Variants in PTBP3 observed in about 807,000 individuals in gnomAD.
PTBP3 encodes the protein polypyrimidine tract binding protein 3, also known as polypyrimidine tract-binding protein 3.
In PTBP3, 20 loss-of-function variants were observed where a neutral mutation model predicts 58.7. The ratio of observed to expected loss-of-function variants is 0.34; its 90% CI spans 0.24 to 0.50. The LOEUF (loss-of-function observed/expected upper bound fraction) is 0.50. PTBP3 is among the 20% of genes least tolerant of loss of function. PTBP3 has a pLI of 0.98. For synonymous variants in PTBP3, 185 were observed against 219.8 expected, an observed-to-expected ratio of 0.84 and a Z score of 1.40; for missense variants, 509 against 637.2, an observed-to-expected ratio of 0.80 and a Z score of 2.17.
the PTBP3 span, among the ~76,000 whole-genome samples, chr9:112,345,373 A>G: frequency 1.3e-5 from 1 of 76,154 alleles, no homozygotes; most frequent in East Asian, 3.2e-4. Flanking sequence ...AAAAAAAAGG[A>G]AAAAAAATTT....
chr9:112,368,200 T>A, the PTBP3 span, among the ~76,000 whole-genome samples: 3 of 152,130 alleles, frequency 2.0e-5, no homozygotes, highest in Non-Finnish European at 2.9e-5. Flanking sequence ...AGACAGAGCG[T>A]CATTCTGTTG....
chr9:112,241,397 C>T (rs1234641802), intron 7 of PTBP3, among the ~76,000 whole-genome samples: 2 of 152,188 alleles, frequency 1.3e-5, no homozygotes, highest in African/African-American at 4.8e-5. Context: ...GCCACCATGC[C>T]TGGGCAAGCT....
intron 2 of PTBP3, among the ~76,000 whole-genome samples, chr9:112,295,420 A>G (rs988249244): frequency 4.7e-4 from 2 of 4,268 alleles, no homozygotes; most frequent in Admixed American, 6.5e-3. Context: ...AGATTGGAGG[A>G]AAAAAAAAAA....
intron 5 of PTBP3, among the ~76,000 whole-genome samples, chr9:112,256,684 T>A (rs933228212): frequency 6.6e-6 from 1 of 151,942 alleles, no homozygotes. Flanking sequence ...CCACCATGCA[T>A]GGCTAATTTT....
At chr9:112,282,821 T>G (rs1437291917) in intron 2 of PTBP3, among the ~76,000 whole-genome samples, 3 of 152,190 alleles carry the variant, frequency 2.0e-5, no homozygotes, top group Non-Finnish European at 4.4e-5. Context: ...GGTTTGGCTG[T>G]GTCCCCACCC....
At chr9:112,285,568 A>T (rs1828074308) in intron 2 of PTBP3, among the ~76,000 whole-genome samples, 1 of 152,186 alleles carries the variant, frequency 6.6e-6, no homozygotes, top group African/African-American at 2.4e-5. Flanking sequence ...GGGGCACAAA[A>T]ATATTTCAGA....
rs1469152143 is a variant in PTBP3, at chr9:112,220,633, C to T, written c.*3218G>A. On this transcript the variant is annotated 3_prime_UTR_variant, in exon 14 of 14. Coordinates refer to ENST00000374257, the MANE Select transcript of PTBP3 (RefSeq NM_001163788.4). ...AAGAATTTATGGCATTCTGTAAGAG[C>T]TGCTGGGTAATTCTGATACTCTCCA... is the stretch of plus-strand genomic sequence containing the variant. 2 of 993,264 alleles carry T rather than the reference C, an allele frequency of 2.0e-6. No individual in the cohort carries two copies. Among genetic ancestry groups the T allele is most frequent in the Non-Finnish European group, 2.4e-6 (2 of 834,486 alleles). The allele number at this position is 993,264 out of a possible 1,614,324, so 61.5% of individuals were successfully genotyped here.
intron 2 of PTBP3, among the ~76,000 whole-genome samples, chr9:112,287,341 G>GTTTTTTTT (rs59039980): frequency 7.9e-6 from 1 of 127,184 alleles, no homozygotes; most frequent in African/African-American, 2.9e-5. Context: ...TCAGTTTTTT[G>GTTTTTTTT]TTTTTTTTTT....
the PTBP3 span, among the ~76,000 whole-genome samples, chr9:112,360,285 G>C: frequency 6.6e-6 from 1 of 152,086 alleles, no homozygotes; most frequent in Non-Finnish European, 1.5e-5. Context: ...CTGGGCTCAA[G>C]CAGTGCTCCC....
intron 7 of PTBP3, among the ~76,000 whole-genome samples, chr9:112,249,275 T>C (rs902062437): frequency 6.6e-6 from 1 of 152,180 alleles, no homozygotes; most frequent in African/African-American, 2.4e-5. Context: ...ATTTTATTTC[T>C]TAACCTGGGT....
chr9:112,364,326 A>G, the PTBP3 span, among the ~76,000 whole-genome samples: 2 of 152,124 alleles, frequency 1.3e-5, no homozygotes, highest in Non-Finnish European at 2.9e-5. Flanking sequence ...AAGAAAAGCA[A>G]AAGAGCATAC....
intron 12 of PTBP3, among the ~76,000 whole-genome samples, chr9:112,225,343 A>G (rs1198607447): frequency 1.3e-5 from 2 of 151,834 alleles, no homozygotes; most frequent in African/African-American, 2.4e-5. Flanking sequence ...CCTTACTTCA[A>G]AGGTTATTAT....
intron 2 of PTBP3, among the ~76,000 whole-genome samples, chr9:112,278,018 C>G (rs1396084796): frequency 6.6e-6 from 1 of 151,642 alleles, no homozygotes; most frequent in Non-Finnish European, 1.5e-5. Flanking sequence ...AAAACCTAAA[C>G]AGGCACCAAA....
intron 9 of PTBP3, 132 bp downstream of exon 9, chr9:112,231,950 AAGAGAAGAGAAGAGAAG>A (rs1362769665): frequency 4.7e-6 from 2 of 424,612 alleles, no homozygotes; most frequent in African/African-American, 4.0e-5. Context: ...AAGAGAAGAG[AAGAGAAGAGAAGAGAAG>A]AGAGAAGAGA....
intron 8 of PTBP3, among the ~76,000 whole-genome samples, chr9:112,233,311 GTGTGTA>G (rs1835318802): frequency 8.6e-6 from 1 of 116,514 alleles, no homozygotes; most frequent in Non-Finnish European, 1.8e-5. Flanking sequence ...GTGTGTGTGT[GTGTGTA>G]TCTTCTATCA....
At chr9:112,261,806 T>C (rs1375817758) in intron 5 of PTBP3, among the ~76,000 whole-genome samples, 7 of 152,230 alleles carry the variant, frequency 4.6e-5, no homozygotes, top group Non-Finnish European at 7.3e-5. Context: ...TCAATTCTAA[T>C]TGGCTCTTCA....
At chr9:112,259,061 C>T (rs1836487589) in intron 5 of PTBP3, among the ~76,000 whole-genome samples, 1 of 152,164 alleles carries the variant, frequency 6.6e-6, no homozygotes, top group Non-Finnish European at 1.5e-5. Context: ...AAGCTATCCT[C>T]CCACCTTAGC....
intron 2 of PTBP3, chr9:112,281,465 CCT>C (rs966340707): frequency 7.9e-5 from 12 of 152,142 alleles, no homozygotes; most frequent in African/African-American, 2.2e-4. Context: ...AGCAAAAACC[CCT>C]GATTTTAATT....
At chr9:112,261,088 A>G (rs1194287672) in intron 5 of PTBP3, among the ~76,000 whole-genome samples, 1 of 152,246 alleles carries the variant, frequency 6.6e-6, no homozygotes, top group Non-Finnish European at 1.5e-5. Flanking sequence ...ACACTGCTAA[A>G]GATCACATTA....
Sources: gnomAD v4.1 joint callset for allele counts (sites outside exome capture counted in the v4.1 genomes callset) on GRCh38, gnomAD v4.1.1 for gene constraint, MANE v1.5 for transcripts, NCBI Gene and HGNC (gene_info 2026-07-23, HGNC 2026-07-21) for gene names.